The following CCSER1 variants were observed in gnomAD, a reference collection of about 807,000 sequenced individuals.
CCSER1 encodes the protein coiled-coil serine rich protein 1, also known as serine-rich coiled-coil domain-containing protein 1.
A neutral mutation model predicts 82.0 loss-of-function variants in CCSER1; 41 were observed. The ratio of observed to expected loss-of-function variants is 0.50; its 90% CI spans 0.39 to 0.65. The LOEUF (loss-of-function observed/expected upper bound fraction) is 0.65, where lower values mean the gene tolerates loss of function less well. Ranked by LOEUF, CCSER1 falls within the 30% of genes least tolerant of loss-of-function variation. CCSER1 has a pLI of 0.00. For synonymous variants in CCSER1, 414 were observed against 383.9 expected, an observed-to-expected ratio of 1.08 and a Z score of -0.92; for missense variants, 1,119 against 1,064.2, an observed-to-expected ratio of 1.05 and a Z score of -0.72.
intron 1 of CCSER1, among the ~76,000 whole-genome samples, chr4:90,181,226 A>G (rs1560754351): frequency 6.6e-6 from 1 of 152,042 alleles, no homozygotes. Flanking sequence ...AAATTGGAAG[A>G]AAAAAAAGGA....
At chr4:91,264,969 TTCTG>T (rs1741463893) in intron 10 of CCSER1, among the ~76,000 whole-genome samples, 1 of 152,044 alleles carries the variant, frequency 6.6e-6, no homozygotes, top group South Asian at 2.1e-4. Flanking sequence ...TTGTTTTTCT[TTCTG>T]TTGTTTGGCT....
At chr4:91,381,591 C>T (rs1750900920) in intron 10 of CCSER1, among the ~76,000 whole-genome samples, 1 of 152,260 alleles carries the variant, frequency 6.6e-6, no homozygotes, top group South Asian at 2.1e-4. Flanking sequence ...GTTTTCAGCT[C>T]CATCAGGTCA....
At position 91,602,488 on chromosome 4, in the gene CCSER1, G is replaced by T. The variant is rs535256402; in HGVS notation, c.*3431G>T. ...AACTTAGTTGTTGATTAAACAGTAG[G>T]AACAGTTTGCTGAATGGTTAGGATT... On this transcript the variant is annotated 3_prime_UTR_variant, in exon 11 of 11. Coordinates refer to ENST00000509176, the MANE Select transcript of CCSER1 (RefSeq NM_001145065.2). Among the ~76,000 whole-genome samples, 1 of 151,920 alleles carries T rather than the reference G, an allele frequency of 6.6e-6. No homozygotes were observed. Among genetic ancestry groups the T allele is most frequent in the Admixed American group, 6.6e-5 (1 of 15,202 alleles).
intron 9 of CCSER1, among the ~76,000 whole-genome samples, chr4:91,054,225 G>A (rs980250673): frequency 6.6e-6 from 1 of 152,106 alleles, no homozygotes. Context: ...CATAACGTGG[G>A]TGAGGTGAGG....
intron 10 of CCSER1, among the ~76,000 whole-genome samples, chr4:91,265,178 C>G (rs1272120026): frequency 1.3e-5 from 2 of 151,906 alleles, no homozygotes; most frequent in African/African-American, 2.4e-5. Flanking sequence ...TTACCAAATA[C>G]TAAAATTTGA....
chr4:90,816,553 TAA>T (rs1283367856), intron 8 of CCSER1, among the ~76,000 whole-genome samples: 5 of 152,020 alleles, frequency 3.3e-5, no homozygotes, highest in African/African-American at 9.7e-5. Flanking sequence ...ATATAAATTT[TAA>T]AAGATAGTAC....
At chr4:90,247,847 T>C (rs1459755007) in intron 1 of CCSER1, among the ~76,000 whole-genome samples, 1 of 151,954 alleles carries the variant, frequency 6.6e-6, no homozygotes, top group Non-Finnish European at 1.5e-5. Context: ...AGCTGGTTCT[T>C]ATTTATGGTT....
chr4:90,603,456 G>C (rs1360399955), intron 5 of CCSER1, among the ~76,000 whole-genome samples: 3 of 152,176 alleles, frequency 2.0e-5, no homozygotes, highest in Non-Finnish European at 4.4e-5. Flanking sequence ...TCTCATTCAA[G>C]TGATATTTAT....
At chr4:91,252,746 A>G (rs1740348819) in intron 10 of CCSER1, among the ~76,000 whole-genome samples, 1 of 152,148 alleles carries the variant, frequency 6.6e-6, no homozygotes, top group South Asian at 2.1e-4. Context: ...AATAAATTCA[A>G]ATTAGAATGA....
rs1425202845 is a variant in CCSER1, at chr4:90,932,973, A to G, written c.2172+9526A>G. Among the ~76,000 whole-genome samples the G allele has an allele frequency of 4.3e-4, 16 of 37,404 alleles. 2 individuals are homozygous for G. Among genetic ancestry groups the G allele is most frequent in the Non-Finnish European group, 6.1e-4 (13 of 21,210 alleles). The allele number at this position is 37,404 out of a possible 152,430, so 24.5% of individuals were successfully genotyped here. ...AAGAAAGAAAGAAAGAAAGAAAGAA[A>G]GAAAGAAAGAGAAAGAAAGAAAGAA... On this transcript the variant is annotated intron_variant, in intron 9 of 10. Coordinates refer to ENST00000509176, the MANE Select transcript of CCSER1 (RefSeq NM_001145065.2).
At chr4:90,895,732 T>G (rs1044849367) in intron 8 of CCSER1, among the ~76,000 whole-genome samples, 2 of 151,886 alleles carry the variant, frequency 1.3e-5, no homozygotes, top group Non-Finnish European at 2.9e-5. Flanking sequence ...ATCAGAATCT[T>G]TGAACAGAAA....
At chr4:90,168,463 G>A (rs1192443828) in intron 1 of CCSER1, among the ~76,000 whole-genome samples, 1 of 152,138 alleles carries the variant, frequency 6.6e-6, no homozygotes, top group Admixed American at 6.5e-5. Flanking sequence ...TTGCAGTGCA[G>A]AAGCTCTTTA....
intron 10 of CCSER1, among the ~76,000 whole-genome samples, chr4:91,424,328 A>C (rs1465296106): frequency 9.2e-5 from 14 of 152,124 alleles, no homozygotes; most frequent in Non-Finnish European, 2.9e-5. Flanking sequence ...AGAACTCAGC[A>C]GATCTTAAGA....
chr4:91,001,315 T>C (rs1322252819), intron 9 of CCSER1, among the ~76,000 whole-genome samples: 1 of 152,146 alleles, frequency 6.6e-6, no homozygotes, highest in Non-Finnish European at 1.5e-5. Context: ...TTTCCTAATA[T>C]TTCTTTTAGG....
At chr4:90,523,991 A>G (rs1258839934) in intron 5 of CCSER1, among the ~76,000 whole-genome samples, 3 of 152,242 alleles carry the variant, frequency 2.0e-5, no homozygotes, top group East Asian at 3.9e-4. Context: ...CTCTTTCCAT[A>G]TATGACTAAC....
chr4:90,938,647 T>C, intron 9 of CCSER1: 1 of 358,306 alleles, frequency 2.8e-6, no homozygotes, highest in Admixed American at 3.2e-5. Flanking sequence ...TTGATTTCAT[T>C]CATTTCTTTT....
chr4:91,454,479 T>C (rs1443556028), intron 10 of CCSER1, among the ~76,000 whole-genome samples: 1 of 152,074 alleles, frequency 6.6e-6, no homozygotes, highest in African/African-American at 2.4e-5. Context: ...AGGACCCACC[T>C]GGATAATCCA....
chr4:90,452,655 G>T (rs1023387996), intron 4 of CCSER1, among the ~76,000 whole-genome samples: 7 of 152,152 alleles, frequency 4.6e-5, no homozygotes, highest in Admixed American at 4.6e-4. Context: ...CTCCTCATTG[G>T]GAAGTCTAAG....
intron 10 of CCSER1, among the ~76,000 whole-genome samples, chr4:91,534,467 C>T (rs904657577): frequency 6.6e-6 from 1 of 152,014 alleles, no homozygotes; most frequent in Admixed American, 6.6e-5. Flanking sequence ...TGCTTTCTAT[C>T]ATGGGCAATT....
Sources: gnomAD v4.1 joint callset for allele counts (sites outside exome capture counted in the v4.1 genomes callset) on GRCh38, gnomAD v4.1.1 for gene constraint, MANE v1.5 for transcripts, NCBI Gene and HGNC (gene_info 2026-07-23, HGNC 2026-07-21) for gene names.